ADD1: variants seen among roughly 807,000 people sequenced by gnomAD.
ADD1 encodes the protein adducin 1.
ADD1 carries 24 observed loss-of-function variants against 80.5 expected under a neutral mutation model. That is an observed-to-expected ratio of 0.30 (90% CI 0.22 to 0.42). The LOEUF is 0.42. Among genes scored for constraint, ADD1 ranks in the 10% least tolerant of loss-of-function variants. ADD1 has a pLI of 1.00. For missense variants in ADD1, 948 were observed against 1,019.0 expected, an observed-to-expected ratio of 0.93 and a Z score of 0.95; for synonymous variants, 373 against 393.8, an observed-to-expected ratio of 0.95 and a Z score of 0.63.
At position 2,928,561 on chromosome 4, in the gene ADD1, TGGCTCTGCCAGCG is replaced by T. The variant is rs771193989; in HGVS notation, c.*39_*51del. ...AACACTGTCCTGTCCGGAGCGACCCTGGCTCTGCCAGCGTCCCCGGCCACGTCTGTGCTCTGTC... is the reference window on the plus strand; with the variant it reads ...AACACTGTCCTGTCCGGAGCGACCCTTCCCCGGCCACGTCTGTGCTCTGTC... On this transcript the variant is annotated 3_prime_UTR_variant, in exon 16 of 16. Coordinates refer to ENST00000683351, the MANE Select transcript of ADD1 (RefSeq NM_001354761.2). 1 of 1,581,512 alleles carries T rather than the reference TGGCTCTGCCAGCG, an allele frequency of 6.3e-7. No homozygotes were observed. Among genetic ancestry groups the T allele is most frequent in the Non-Finnish European group, 8.6e-7 (1 of 1,166,978 alleles).
intron 14 of ADD1, 23 bp downstream of exon 14, chr4:2,915,063 A>G (rs758450844): frequency 6.3e-7 from 1 of 1,594,732 alleles, no homozygotes; most frequent in South Asian, 1.1e-5. Context: ...GGTCCTGGGC[A>G]CGGCCACTCC....
intron 1 of ADD1, among the ~76,000 whole-genome samples, chr4:2,860,991 T>C (rs1728750022): frequency 6.6e-6 from 1 of 152,198 alleles, no homozygotes; most frequent in Admixed American, 6.5e-5. Context: ...GAGTGGGGAC[T>C]ATTCTAAATA....
chr4:2,900,405 A>G (rs1364053602), intron 9 of ADD1: 1 of 152,252 alleles, frequency 6.6e-6, no homozygotes, highest in Admixed American at 6.5e-5. Flanking sequence ...GGTCCGTCCT[A>G]ACGCCACATG....
At chr4:2,889,412 T>C (rs1733937442) in intron 4 of ADD1, among the ~76,000 whole-genome samples, 1 of 152,226 alleles carries the variant, frequency 6.6e-6, no homozygotes, top group South Asian at 2.1e-4. Flanking sequence ...TGAAAATCAC[T>C]GGCCTTGAAC....
Position 2,894,072 on chromosome 4 carries a change from T to C in ADD1, c.570T>C (p.Ser190=), listed in dbSNP as rs1734753139. 6.2e-7 allele frequency: 1 copy of C among 1,614,072 alleles called. No homozygotes were observed. Residue 190 remains serine (S), a synonymous_variant, in exon 5 of 16, where the codon AGT becomes AGC. Transcript: ENST00000683351. ...FLIVPFGLLY[S]EVTASSLVKI... is the part of the protein sequence containing the mutation. ...TTGTCCCTTTTGGGCTTCTTTACAGTGAAGTGACTGCATCCAGTTTGGTAA... is the reference window on the plus strand; with the variant it reads ...TTGTCCCTTTTGGGCTTCTTTACAGCGAAGTGACTGCATCCAGTTTGGTAA...
At chr4:2,886,286 CAG>C (rs1361307678) in intron 4 of ADD1, among the ~76,000 whole-genome samples, 1 of 152,198 alleles carries the variant, frequency 6.6e-6, no homozygotes, top group East Asian at 1.9e-4. Context: ...ATTCTGGACT[CAG>C]AGGAATGCTA....
intron 3 of ADD1, 92 bp downstream of exon 3, chr4:2,882,152 G>A (rs1732460057): frequency 1.7e-6 from 2 of 1,200,978 alleles, no homozygotes; most frequent in Non-Finnish European, 2.3e-6. Context: ...GCATTTAACT[G>A]TATAACATAA....
intron 6 of ADD1, among the ~76,000 whole-genome samples, chr4:2,896,322 A>C (rs1340399475): frequency 1.4e-5 from 2 of 138,728 alleles, no homozygotes; most frequent in South Asian, 2.3e-4. Flanking sequence ...AGTTCTCTTG[A>C]CTCAGCCTCC....
At chr4:2,907,178 T>C (rs1443470513) in intron 10 of ADD1, 1 of 152,324 alleles carries the variant, frequency 6.6e-6, no homozygotes, top group African/African-American at 2.4e-5. Flanking sequence ...TTCTTCCAGG[T>C]AGCTACCGTG....
In ADD1 at chr4:2,884,772, G is replaced by A. The variant is rs1201531300; in HGVS notation, c.510+106G>A. ...AGGGAAGCAGGCTGAGCTTCAGTAA[G>A]TCTTGGAATACCTCTTCTGATTCCT... On this transcript the variant is annotated intron_variant, in intron 4 of 15. Transcript: ENST00000683351. 5.4e-6 allele frequency: 7 copies of A among 1,298,984 alleles called. No individual in the cohort carries two copies. The East Asian group carries it at 1.7e-4, about 32-fold the overall frequency. 80.5% of individuals were successfully genotyped at this position (1,298,984 alleles called of 1,614,324 possible).
Position 2,894,613 on chromosome 4 carries a change from A to G in ADD1, c.623A>G (p.Asp208Gly). ...VKINLQGDIV[D>G]RGSTNLGVNQ... Reference sequence around the variant, plus strand: ...ATCAATCTACAAGGAGATATAGTAGATCGTGGAAGCACTAATCTGGGAGTG... The same window carrying G: ...ATCAATCTACAAGGAGATATAGTAGGTCGTGGAAGCACTAATCTGGGAGTG... The change falls in exon 6 of 16, where the codon GAT (aspartate) becomes GGT (glycine). Residue 208 changes from aspartate to glycine, a missense_variant. By Grantham distance (94) the Asp-to-Gly change is moderately conservative (BLOSUM62 -1). Coordinates refer to ENST00000683351, the MANE Select transcript of ADD1 (RefSeq NM_001354761.2). 1 of 1,609,812 alleles carries G rather than the reference A, an allele frequency of 6.2e-7. No individual in the cohort carries two copies. The highest frequency in any genetic ancestry group is 8.5e-7 in the Non-Finnish European group (1 of 1,178,604).
At position 2,926,452 on chromosome 4, in the gene ADD1, C is replaced by T. The variant is rs768138687; in HGVS notation, c.2047+340C>T. 4.0e-5 allele frequency: 28 copies of T among 697,982 alleles called. 1 individual carries two copies. Among genetic ancestry groups the T allele is most frequent in the Admixed American group, 2.1e-4 (10 of 48,694 alleles). The allele number at this position is 697,982 out of a possible 1,614,324, so 43.2% of individuals were successfully genotyped here. On this transcript the variant is annotated intron_variant, in intron 15 of 15. Transcript: ENST00000683351. This position sits in a 1 kb window ranked among gnomAD's most constrained non-coding sequence, Gnocchi z 5.0. Reference sequence around the variant, plus strand: ...GGTGCCCTCCGCTGTGTGAGCCACACGCCGGCTGCCTCTCAGCCACCGTGT... The same window carrying T: ...GGTGCCCTCCGCTGTGTGAGCCACATGCCGGCTGCCTCTCAGCCACCGTGT...
intron 13 of ADD1, 30 bp from the exon 14 acceptor site, chr4:2,914,854 C>T (rs1334658016): frequency 6.3e-7 from 1 of 1,581,098 alleles, no homozygotes; most frequent in East Asian, 2.3e-5. Context: ...GGCCGGGCTC[C>T]TGCAGACCAG....
chr4:2,898,342 A>C lies in ADD1; in HGVS notation c.885+15A>C, dbSNP rs745766050. On this transcript the variant is annotated intron_variant, in intron 7 of 15. Transcript: ENST00000683351. ...CTAAAAGCAAGGTCAGTAGGCATCT[A>C]ATCTGGTATTTAAATTACAGCAGAA... 1 of 1,614,234 alleles carries C rather than the reference A, an allele frequency of 6.2e-7. No individual in the cohort carries two copies. Among genetic ancestry groups the C allele is most frequent in the South Asian group, 1.1e-5 (1 of 91,086 alleles).
At chr4:2,922,881 C>A (rs1397467429) in intron 14 of ADD1, among the ~76,000 whole-genome samples, 2 of 152,276 alleles carry the variant, frequency 1.3e-5, no homozygotes, top group Admixed American at 6.5e-5. Flanking sequence ...AGTGGCTTTG[C>A]ATAGCTGCGG....
chr4:2,860,321 C>T (rs2108821784), intron 1 of ADD1, among the ~76,000 whole-genome samples: 1 of 152,300 alleles, frequency 6.6e-6, no homozygotes, highest in East Asian at 1.9e-4. Flanking sequence ...ATAAGACCTT[C>T]TTAATTCAGA....
intron 4 of ADD1, among the ~76,000 whole-genome samples, chr4:2,886,931 C>G (rs1733471950): frequency 6.6e-6 from 1 of 152,202 alleles, no homozygotes; most frequent in Non-Finnish European, 1.5e-5. Flanking sequence ...AAACGTAACC[C>G]TAACTGTGAT....
rs1711782315 is a variant in ADD1 at position 2,926,822 on chromosome 4, C to A, written c.2047+710C>A. 1.1e-6 allele frequency: 1 copy of A among 925,266 alleles called. No individual in the cohort carries two copies. The highest frequency in any genetic ancestry group is 1.6e-6 in the Non-Finnish European group (1 of 618,994). 57.3% of individuals were successfully genotyped at this position (925,266 alleles called of 1,614,324 possible). A position where few individuals can be genotyped will look rare whatever the true frequency, so the allele number is the denominator to read the frequency against. On this transcript the variant is annotated intron_variant, in intron 15 of 15. Transcript: ENST00000683351. The surrounding 1 kb of genome is among the most constrained non-coding windows in gnomAD (Gnocchi z 5.0). The stretch of plus-strand genomic sequence containing the variant: ...TTTTTGTACCCAGTCCCTTGGAGGC[C>A]TTCCTGGAAGTGGTTCAGTCACCTG...
At position 2,864,182 on chromosome 4, in the gene ADD1, G is replaced by A. The variant is rs189108670; in HGVS notation, c.-20-11714G>A. Among the ~76,000 whole-genome samples, 166 of 152,316 alleles carry A rather than the reference G, an allele frequency of 1.1e-3. 1 individual carries two copies. The highest frequency in any genetic ancestry group is 3.6e-3 in the Admixed American group (55 of 15,306). The stretch of plus-strand genomic sequence containing the variant: ...AATCCTAGCACTTTGGGAGGCCGAG[G>A]TGGGCAGATTTCCTGAGTTCAGGAG... On this transcript the variant is annotated intron_variant, in intron 1 of 15. Coordinates refer to ENST00000683351, the MANE Select transcript of ADD1 (RefSeq NM_001354761.2).
Sources: gnomAD v4.1 joint callset for allele counts (sites outside exome capture counted in the v4.1 genomes callset) on GRCh38, gnomAD v4.1.1 for gene constraint, Gnocchi (gnomAD v3.1) non-coding constraint, MANE v1.5 for transcripts, NCBI Gene and HGNC (gene_info 2026-07-23, HGNC 2026-07-21) for gene names.